YTHDC2: variants seen among roughly 807,000 people sequenced by gnomAD.
The protein encoded by YTHDC2 is YTH N6-methyladenosine RNA binding protein C2.
Under a neutral mutation model 174.9 loss-of-function variants are expected in YTHDC2, and 45 were observed. The observed-to-expected ratio is 0.26, with a 90% CI of 0.20 to 0.33. YTHDC2 has a LOEUF of 0.33. Ranked by LOEUF, YTHDC2 falls within the 10% of genes least tolerant of loss-of-function variation. The pLI is 1.00. For synonymous variants in YTHDC2, 657 were observed against 574.5 expected, an observed-to-expected ratio of 1.14 and a Z score of -2.05; for missense variants, 1,650 against 1,723.7, an observed-to-expected ratio of 0.96 and a Z score of 0.76.
chr5:113,530,928 C>T (rs1774612387), intron 4 of YTHDC2, among the ~76,000 whole-genome samples: 1 of 152,138 alleles, frequency 6.6e-6, no homozygotes, highest in South Asian at 2.1e-4. Context: ...ATTTCTTCTT[C>T]ATTTTTGAAG....
chr5:113,548,742 G>T (rs1212753803), intron 11 of YTHDC2, 75 bp downstream of exon 11: 25 of 1,430,806 alleles, frequency 1.7e-5, no homozygotes, highest in Non-Finnish European at 2.3e-5. Context: ...TCTTATGTTT[G>T]TCTTTATATT....
At chr5:113,529,213 A>G (rs1451259829) in intron 4 of YTHDC2, among the ~76,000 whole-genome samples, 2 of 152,196 alleles carry the variant, frequency 1.3e-5, no homozygotes, top group African/African-American at 4.8e-5. Context: ...AATAATTTCA[A>G]GACATGGAGG....
At chr5:113,528,465 T>C (rs1774435276) in intron 4 of YTHDC2, among the ~76,000 whole-genome samples, 1 of 152,208 alleles carries the variant, frequency 6.6e-6, no homozygotes, top group African/African-American at 2.4e-5. Context: ...TTTTTTCTTA[T>C]TTGTGTTCGT....
chr5:113,560,656 C>G (rs1776903125), intron 17 of YTHDC2, among the ~76,000 whole-genome samples: 1 of 152,182 alleles, frequency 6.6e-6, no homozygotes, highest in Non-Finnish European at 1.5e-5. Context: ...TTTATGATGA[C>G]AGGATAAATG....
intron 12 of YTHDC2, among the ~76,000 whole-genome samples, chr5:113,552,571 C>T (rs1776320606): frequency 6.6e-6 from 1 of 152,030 alleles, no homozygotes; most frequent in Non-Finnish European, 1.5e-5. Context: ...AATTGATGAA[C>T]ACTTAGGTTG....
chr5:113,569,408 A>C (rs139732566), intron 23 of YTHDC2, among the ~76,000 whole-genome samples: 9 of 152,232 alleles, frequency 5.9e-5, no homozygotes, highest in African/African-American at 1.9e-4. Flanking sequence ...TTTATCATGA[A>C]ATCTTTGCCT....
At chr5:113,540,773 A>G (rs1341792336) in intron 8 of YTHDC2, among the ~76,000 whole-genome samples, 195 bp from the exon 9 acceptor site, 2 of 152,206 alleles carry the variant, frequency 1.3e-5, no homozygotes, top group East Asian at 1.9e-4. Context: ...TGAAGTTTTC[A>G]AGCAGTTTCA....
At chr5:113,583,163 G>A (rs1778494458) in intron 25 of YTHDC2, 1 of 152,134 alleles carries the variant, frequency 6.6e-6, no homozygotes, top group African/African-American at 2.4e-5. Context: ...TCAATAATTT[G>A]AGACAACTGA....
chr5:113,532,951 C>A lies in YTHDC2; in HGVS notation c.748C>A (p.Arg250=), dbSNP rs1171913311. The change falls in exon 5 of 30, where the codon CGA becomes AGA. Residue 250 remains arginine, a synonymous_variant. Coordinates refer to ENST00000161863, the MANE Select transcript of YTHDC2 (RefSeq NM_022828.5). ...PCRIFCTQPR[R]LAAIAVAERV... is the part of the protein sequence containing the mutation. The stretch of plus-strand genomic sequence containing the variant: ...CCGTATATTTTGTACTCAACCAAGA[C>A]GATTGGCAGCTATCGCTGTGGCTGA... 1.2e-6 allele frequency: 2 copies of A among 1,614,074 alleles called. No homozygotes were observed. Among genetic ancestry groups the A allele is most frequent in the African/African-American group, 2.7e-5 (2 of 74,988 alleles).
intron 7 of YTHDC2, among the ~76,000 whole-genome samples, chr5:113,536,969 AAAGT>A (rs1775124375): frequency 6.6e-6 from 1 of 152,226 alleles, no homozygotes; most frequent in African/African-American, 2.4e-5. Flanking sequence ...CCTGCATAAT[AAAGT>A]ATTTCATAAT....
At chr5:113,541,998 C>T (rs1311175044) in intron 9 of YTHDC2, among the ~76,000 whole-genome samples, 1 of 152,114 alleles carries the variant, frequency 6.6e-6, no homozygotes, top group African/African-American at 2.4e-5. Flanking sequence ...GATGCACTTG[C>T]TCTGGGGTGG....
Position 113,593,491 on chromosome 5 carries a change from C to T in YTHDC2, c.*17C>T, listed in dbSNP as rs1779113502. Reference sequence around the variant, plus strand: ...TTCCCCTTTCTTCTAGAACTCTTAGCTGTGGAAGAACATCATGCCTATTTA... The same window carrying T: ...TTCCCCTTTCTTCTAGAACTCTTAGTTGTGGAAGAACATCATGCCTATTTA... On this transcript the variant is annotated 3_prime_UTR_variant, in exon 30 of 30. Transcript: ENST00000161863. The T allele has an allele frequency of 1.1e-6, 1 of 933,426 alleles. No homozygotes were observed. The highest frequency in any genetic ancestry group is 1.7e-5 in the South Asian group (1 of 57,776). The allele number at this position is 933,426 out of a possible 1,614,324, so 57.8% of individuals were successfully genotyped here.
At chr5:113,557,669 C>G (rs999487558) in intron 17 of YTHDC2, among the ~76,000 whole-genome samples, 1 of 152,090 alleles carries the variant, frequency 6.6e-6, no homozygotes, top group Non-Finnish European at 1.5e-5. Flanking sequence ...TGGCACAGGC[C>G]TGTGGGCCTA....
At position 113,535,650 on chromosome 5, in the gene YTHDC2, G is replaced by T; in HGVS notation, c.954G>T (p.Val318=). The T allele has an allele frequency of 6.2e-7, 1 of 1,612,366 alleles. No individual in the cohort carries two copies. The highest frequency in any genetic ancestry group is 8.5e-7 in the Non-Finnish European group (1 of 1,179,334). The change falls in exon 7 of 30, where the codon GTG becomes GTT. Residue 318 remains valine (V), a synonymous_variant. Transcript: ENST00000161863. ...ATTTCTGTTTACTATAGGATGAAGT[G>T]CATGAAAGGGATCGATTTAGTGATT... ...STVTHVIVDE[V]HERDRFSDFL...
chr5:113,580,493 A>G (rs186999657), intron 24 of YTHDC2, among the ~76,000 whole-genome samples: 3 of 152,106 alleles, frequency 2.0e-5, no homozygotes, highest in Admixed American at 6.6e-5. Context: ...TTCTATCTCT[A>G]CTGTCCAAGA....
chr5:113,553,317 A>G lies in YTHDC2; in HGVS notation c.1825A>G (p.Ile609Val). The G allele has an allele frequency of 6.2e-7, 1 of 1,610,930 alleles. No homozygotes were observed. The highest frequency in any genetic ancestry group is 8.5e-7 in the Non-Finnish European group (1 of 1,178,830). The change falls in exon 13 of 30, where the codon ATC (isoleucine) becomes GTC (valine). Residue 609 changes from isoleucine (I) to valine (V), a missense_variant. Physicochemically the swap from Ile to Val is conservative, Grantham distance 29. Transcript: ENST00000161863. Reference protein sequence around the residue: ...FDDEKVDLDLIMHLLYNICHS... With the variant: ...FDDEKVDLDLVMHLLYNICHS... ...TGATGAAAAAGTAGACTTGGATTTG[A>G]TCATGCATCTTCTATACAATATCTG...
intron 4 of YTHDC2, among the ~76,000 whole-genome samples, chr5:113,527,944 C>G (rs77164427): frequency 0.11 from 16,947 of 152,158 alleles, 1,581 homozygotes; most frequent in African/African-American, 0.25. Context: ...GCACCCGCCA[C>G]CACGCCTGAC....
chr5:113,535,219 T>G (rs561596675), intron 6 of YTHDC2, among the ~76,000 whole-genome samples: 81 of 152,320 alleles, frequency 5.3e-4, no homozygotes, highest in African/African-American at 1.8e-3. Context: ...CAGACTTTTC[T>G]TGTTGTTATT....
chr5:113,563,599 C>A lies in YTHDC2; in HGVS notation c.2442+107C>A. On this transcript the variant is annotated intron_variant, in intron 19 of 29. Transcript: ENST00000161863. ...TGTATAATTATTTTTTATTTTTGTC[C>A]TCCTGCATGTGTCCAGATAAACTAA... The A allele has an allele frequency of 7.2e-6, 9 of 1,257,796 alleles. No homozygotes were observed. The South Asian group carries it at 1.5e-4, about 21-fold the overall frequency. 77.9% of individuals were successfully genotyped at this position (1,257,796 alleles called of 1,614,324 possible).
Sources: gnomAD v4.1 joint callset for allele counts (sites outside exome capture counted in the v4.1 genomes callset) on GRCh38, gnomAD v4.1.1 for gene constraint, MANE v1.5 for transcripts, NCBI Gene and HGNC (gene_info 2026-07-23, HGNC 2026-07-21) for gene names.